The following NGEF variants were observed in gnomAD, a reference collection of about 807,000 sequenced individuals.
NGEF encodes the protein ephexin-1.
A neutral mutation model predicts 80.9 loss-of-function variants in NGEF; 31 were observed. The observed-to-expected ratio is 0.38, with a 90% confidence interval of 0.29 to 0.52. The LOEUF (loss-of-function observed/expected upper bound fraction) is 0.52. NGEF is among the 20% of genes least tolerant of loss of function. The pLI, the probability that NGEF is intolerant of heterozygous loss-of-function variation, is 0.84. For missense variants in NGEF, 709 were observed against 926.2 expected (o/e 0.77, Z 3.04); for synonymous variants, 371 against 370.2 (o/e 1.00, Z -0.03).
At chr2:232,969,079 C>T (rs901637563) in intron 3 of NGEF, among the ~76,000 whole-genome samples, 1 of 152,196 alleles carries the variant, frequency 6.6e-6, no homozygotes. Context: ...TTAAAATAAG[C>T]AGCTGAATTC....
chr2:233,005,653 A>T (rs577293990), intron 1 of NGEF, among the ~76,000 whole-genome samples: 17 of 152,294 alleles, frequency 1.1e-4, no homozygotes, highest in African/African-American at 3.8e-4. Flanking sequence ...GACCACAAGC[A>T]AAGTAGTTCG....
In NGEF at chr2:232,879,342, T is replaced by C; in HGVS notation, c.*147A>G. ...GGGGCCAAGACACATGAGCACTCAC[T>C]GCGTGGGCAGGGATGAGGGCCGGGC... On this transcript the variant is annotated 3_prime_UTR_variant, in exon 15 of 15. Transcript: ENST00000264051. 2 of 744,318 alleles carry C rather than the reference T, an allele frequency of 2.7e-6. No homozygotes were observed. The highest frequency in any genetic ancestry group is 1.8e-5 in the South Asian group (1 of 54,858). The allele number at this position is 744,318 out of a possible 1,614,324, so 46.1% of individuals were successfully genotyped here. A position where few individuals can be genotyped will look rare whatever the true frequency, so the allele number is the denominator to read the frequency against.
chr2:232,911,046 G>T (rs148663660), intron 5 of NGEF, among the ~76,000 whole-genome samples: 74 of 152,290 alleles, frequency 4.9e-4, no homozygotes, highest in Non-Finnish European at 8.1e-4. Context: ...ATTGGTTTTG[G>T]TGTTGTATCT....
In NGEF at chr2:232,879,421, C is replaced by CT. The variant is rs1491382169; in HGVS notation, c.*67_*68insA. ...AGGTGCTGGCCTGTGCTTCCCAGAGCCCCCCCCCCCCCACCTTCTGTCGGG... is the reference window on the plus strand; with the variant it reads ...AGGTGCTGGCCTGTGCTTCCCAGAGCTCCCCCCCCCCCCACCTTCTGTCGGG... On this transcript the variant is annotated 3_prime_UTR_variant, in exon 15 of 15. Coordinates refer to ENST00000264051, the MANE Select transcript of NGEF (RefSeq NM_019850.3). 1.2e-4 allele frequency: 4 copies of CT among 34,042 alleles called. No homozygotes were observed. Among genetic ancestry groups the CT allele is most frequent in the South Asian group, 6.3e-4 (3 of 4,748 alleles). The allele number at this position is 34,042 out of a possible 1,614,324, so 2.1% of individuals were successfully genotyped here. A position where few individuals can be genotyped will look rare whatever the true frequency, so the allele number is the denominator to read the frequency against.
At chr2:232,916,858 C>T (rs753272846) in intron 5 of NGEF, among the ~76,000 whole-genome samples, 37 of 152,220 alleles carry the variant, frequency 2.4e-4, no homozygotes, top group Non-Finnish European at 3.8e-4. Flanking sequence ...GTCTCAGACG[C>T]GCACAGAGAT....
At chr2:232,943,471 T>C (rs897181654) in intron 3 of NGEF, among the ~76,000 whole-genome samples, 2 of 151,756 alleles carry the variant, frequency 1.3e-5, no homozygotes, top group African/African-American at 4.8e-5. Context: ...ACCGACTGTA[T>C]AGTTGCCTTA....
At chr2:232,905,621 G>C (rs768069851) in intron 5 of NGEF, 101 of 331,870 alleles carry the variant, frequency 3.0e-4, no homozygotes, top group Non-Finnish European at 5.1e-4. Context: ...AGTGAGGAGC[G>C]TCTCTGCCCG....
At chr2:232,944,635 T>C (rs1192074182) in intron 3 of NGEF, among the ~76,000 whole-genome samples, 1 of 150,848 alleles carries the variant, frequency 6.6e-6, no homozygotes, top group Non-Finnish European at 1.5e-5. Flanking sequence ...ACACTTCTTT[T>C]TTTTTTCCAA....
intron 3 of NGEF, among the ~76,000 whole-genome samples, chr2:232,967,761 C>T (rs1694095481): frequency 1.3e-5 from 2 of 151,524 alleles, no homozygotes; most frequent in Non-Finnish European, 1.5e-5. Context: ...GCAAAGCAAC[C>T]TCAGGAAGGA....
At chr2:232,975,052 G>C in intron 1 of NGEF, 88 bp from the exon 2 acceptor site, 1 of 666,680 alleles carries the variant, frequency 1.5e-6, no homozygotes, top group Non-Finnish European at 2.5e-6. Flanking sequence ...ATTCGAATTT[G>C]ATGAAACGTG....
At position 232,995,367 on chromosome 2, in the gene NGEF, A is replaced by ACAGTATG. The variant is rs1694787982; in HGVS notation, c.-75+17700_-75+17701insCATACTG. 2.4e-4 allele frequency among the ~76,000 whole-genome samples: 2 copies of ACAGTATG among 8,300 alleles called. 1 individual carries two copies. The highest frequency in any genetic ancestry group is 1.6e-3 in the African/African-American group (2 of 1,216). 5.4% of individuals were successfully genotyped at this position (8,300 alleles called of 152,430 possible). A position where few individuals can be genotyped will look rare whatever the true frequency, so the allele number is the denominator to read the frequency against. Reference sequence around the variant, plus strand: ...ATACAGTATGTATACTGTATACTGTATATATATACACAGTATGTATACTGT... The same window carrying ACAGTATG: ...ATACAGTATGTATACTGTATACTGTACAGTATGTATATATACACAGTATGTATACTGT... On this transcript the variant is annotated intron_variant, in intron 1 of 14. Transcript: ENST00000264051.
Position 232,892,726 on chromosome 2 carries a change from G to A in NGEF, c.1142+172C>T, listed in dbSNP as rs1691921712. ...ACCAATACACCCTAGAACGTGCTGG[G>A]TTGGGACACTGTCACCAGTATCCCT... On this transcript the variant is annotated intron_variant, in intron 7 of 14. Transcript: ENST00000264051. The surrounding 1 kb of genome is among the most constrained non-coding windows in gnomAD (Gnocchi z 4.0). 6.6e-6 allele frequency among the ~76,000 whole-genome samples: 1 copy of A among 152,174 alleles called. No individual in the cohort carries two copies. Among genetic ancestry groups the A allele is most frequent in the African/African-American group, 2.4e-5 (1 of 41,430 alleles).
intron 4 of NGEF, among the ~76,000 whole-genome samples, chr2:232,921,525 C>T (rs937898164): frequency 6.6e-6 from 1 of 152,178 alleles, no homozygotes; most frequent in Non-Finnish European, 1.5e-5. Flanking sequence ...AATCATAGCT[C>T]ACTGCAGCCT....
At chr2:232,918,011 T>C (rs1053470086) in intron 5 of NGEF, among the ~76,000 whole-genome samples, 2 of 152,064 alleles carry the variant, frequency 1.3e-5, no homozygotes, top group African/African-American at 4.8e-5. Context: ...TGGGGTGCAG[T>C]TGCGCGATCT....
intron 3 of NGEF, among the ~76,000 whole-genome samples, chr2:232,966,240 G>A (rs11678490): frequency 0.19 from 29,154 of 151,992 alleles, 2,973 homozygotes; most frequent in East Asian, 0.34. Context: ...CCTCCCGGGA[G>A]GTCTCTGACC....
intron 5 of NGEF, among the ~76,000 whole-genome samples, chr2:232,906,318 G>A (rs1490182235): frequency 8.1e-6 from 1 of 124,074 alleles, no homozygotes; most frequent in Non-Finnish European, 1.7e-5. Flanking sequence ...CCCTCTGCCC[G>A]GCCACCACCC....
chr2:232,990,756 C>T (rs1436623597), intron 1 of NGEF, among the ~76,000 whole-genome samples: 1 of 151,948 alleles, frequency 6.6e-6, no homozygotes, highest in Non-Finnish European at 1.5e-5. Flanking sequence ...GGAAGGGCTA[C>T]TAAACCAGAT....
intron 1 of NGEF, chr2:233,012,490 C>T (rs1045464063): frequency 4.8e-5 from 10 of 208,870 alleles, no homozygotes; most frequent in East Asian, 1.5e-4. Context: ...GGAGCTAAAG[C>T]GCAGTGGGCT....
At chr2:232,985,076 C>CA (rs1206146815) in intron 1 of NGEF, among the ~76,000 whole-genome samples, 1 of 152,190 alleles carries the variant, frequency 6.6e-6, no homozygotes, top group Non-Finnish European at 1.5e-5. Flanking sequence ...TCTGGGGTCA[C>CA]AGAGCTTCAA....
Sources: gnomAD v4.1 joint callset for allele counts (sites outside exome capture counted in the v4.1 genomes callset) on GRCh38, gnomAD v4.1.1 for gene constraint, Gnocchi (gnomAD v3.1) non-coding constraint, MANE v1.5 for transcripts, NCBI Gene and HGNC (gene_info 2026-07-23, HGNC 2026-07-21) for gene names.